The following ZWILCH variants were observed in gnomAD, a reference collection of about 807,000 sequenced individuals.
ZWILCH encodes protein zwilch homolog.
Under a neutral mutation model 79.9 loss-of-function variants are expected in ZWILCH, and 74 were observed. The observed-to-expected ratio is 0.93, with a 90% CI of 0.77 to 1.12. ZWILCH has a LOEUF of 1.12. ZWILCH is among the 50% of genes most tolerant of loss of function. The pLI is 0.00. For synonymous variants in ZWILCH, 241 were observed against 228.2 expected (o/e 1.06, Z -0.51); for missense variants, 694 against 687.5 (o/e 1.01, Z -0.11).
chr15:66,509,154 A>T (rs1461208630), intron 2 of ZWILCH, among the ~76,000 whole-genome samples: 1 of 152,078 alleles, frequency 6.6e-6, no homozygotes, highest in Non-Finnish European at 1.5e-5. Flanking sequence ...GTTAGCCAGG[A>T]TGGTCTCGAT....
At chr15:66,518,295 T>G (rs1323938353) in intron 4 of ZWILCH, among the ~76,000 whole-genome samples, 1 of 150,154 alleles carries the variant, frequency 6.7e-6, no homozygotes, top group Non-Finnish European at 1.5e-5. Context: ...TGTCTTTTTT[T>G]TTTTTTTTTT....
intron 2 of ZWILCH, 95 bp downstream of exon 2, chr15:66,508,987 T>A (rs1893928033): frequency 3.0e-6 from 4 of 1,337,918 alleles, no homozygotes; most frequent in South Asian, 1.2e-5. Context: ...TTACCCAGGC[T>A]GGAGTGCAGT....
At chr15:66,509,305 A>G (rs1355925265) in intron 2 of ZWILCH, among the ~76,000 whole-genome samples, 1 of 152,166 alleles carries the variant, frequency 6.6e-6, no homozygotes, top group African/African-American at 2.4e-5. Context: ...ATCCTCTCCA[A>G]AAATGTTCTT....
At chr15:66,509,021 G>A in intron 2 of ZWILCH, 129 bp downstream of exon 2, 2 of 929,346 alleles carry the variant, frequency 2.2e-6, no homozygotes, top group Non-Finnish European at 3.1e-6. Flanking sequence ...CTCACTGCAA[G>A]CTCCGGCTCC....
intron 17 of ZWILCH, among the ~76,000 whole-genome samples, chr15:66,544,529 C>T (rs951778547): frequency 1.3e-5 from 2 of 151,798 alleles, no homozygotes; most frequent in South Asian, 2.1e-4. Context: ...TTCATAGAGG[C>T]GAGGTCTTGT....
chr15:66,533,490 C>T (rs544715089), intron 14 of ZWILCH, among the ~76,000 whole-genome samples: 17 of 152,174 alleles, frequency 1.1e-4, no homozygotes, highest in Admixed American at 4.6e-4. Context: ...TGAATAGTGT[C>T]TGTACTGATC....
chr15:66,513,875 C>A, intron 2 of ZWILCH, 113 bp from the exon 3 acceptor site: 1 of 778,992 alleles, frequency 1.3e-6, no homozygotes, highest in Non-Finnish European at 2.0e-6. Flanking sequence ...CCGGCCGAGA[C>A]TCTGTCTCTT....
chr15:66,526,664 G>A (rs1271561493), intron 8 of ZWILCH, among the ~76,000 whole-genome samples: 2 of 151,678 alleles, frequency 1.3e-5, no homozygotes, highest in African/African-American at 2.4e-5. Context: ...GGGTTTCACC[G>A]TGTTAGCCAG....
intron 8 of ZWILCH, among the ~76,000 whole-genome samples, chr15:66,525,413 C>A (rs1373730323): frequency 6.6e-6 from 1 of 152,206 alleles, no homozygotes; most frequent in East Asian, 1.9e-4. Context: ...CTGTGTTCAA[C>A]CCCCTATATT....
chr15:66,506,662 A>G (rs1279451940), intron 1 of ZWILCH, among the ~76,000 whole-genome samples: 1 of 152,016 alleles, frequency 6.6e-6, no homozygotes, highest in Non-Finnish European at 1.5e-5. Context: ...TCTCTAAAAT[A>G]AATAAATAAA....
At chr15:66,537,996 A>G (rs76456733) in intron 16 of ZWILCH, among the ~76,000 whole-genome samples, 2,712 of 152,300 alleles carry the variant, frequency 0.018, 40 homozygotes, top group South Asian at 0.056. Flanking sequence ...AAAAATGACC[A>G]GGATAGTGAT....
chr15:66,523,919 T>TA (rs1455741384), intron 8 of ZWILCH, among the ~76,000 whole-genome samples, 171 bp downstream of exon 8: 1 of 152,246 alleles, frequency 6.6e-6, no homozygotes, highest in Non-Finnish European at 1.5e-5. Flanking sequence ...TAGTTGTCCT[T>TA]ACAATTAACG....
rs768766361 is a variant in ZWILCH at position 66,548,543 on chromosome 15, A to G, written c.*219A>G. The G allele has an allele frequency of 6.2e-7, 1 of 1,613,802 alleles. No homozygotes were observed. The highest frequency in any genetic ancestry group is 2.2e-5 in the East Asian group (1 of 44,872). ...AGTAGAACAGCAGTGATGAGGACAC[A>G]GAGGGAGCAGACAGTGGGTACCACG... On this transcript the variant is annotated 3_prime_UTR_variant, in exon 19 of 19. Transcript: ENST00000307897.
At chr15:66,520,681 C>A in intron 6 of ZWILCH, 21 bp downstream of exon 6, 1 of 1,484,442 alleles carries the variant, frequency 6.7e-7, no homozygotes, top group South Asian at 1.2e-5. Context: ...TGCTTCTACT[C>A]ATATTATTTT....
In ZWILCH at chr15:66,540,108, C is replaced by G. The variant is rs144273335; in HGVS notation, c.1585C>G (p.Gln529Glu). ...VKNLYQSEKP[Q>E]KWRVEIYSGQ... Reference sequence around the variant, plus strand: ...TTATTCTTTCCTTAGTGAGAAGCCACAGAAATGGAGAGTGGAAATATATAG... The same window carrying G: ...TTATTCTTTCCTTAGTGAGAAGCCAGAGAAATGGAGAGTGGAAATATATAG... The change falls in exon 17 of 19, where the codon CAG becomes GAG. Residue 529 changes from glutamine (Q) to glutamate (E), a missense_variant. By Grantham distance (29) the Gln-to-Glu change is conservative. Transcript: ENST00000307897. 315 of 1,598,648 alleles carry G rather than the reference C, an allele frequency of 2.0e-4. 1 individual carries two copies. Among genetic ancestry groups the G allele is most frequent in the Middle Eastern group, 6.7e-4 (4 of 6,012 alleles).
chr15:66,532,495 A>G, intron 13 of ZWILCH, 92 bp downstream of exon 13: 5 of 1,191,826 alleles, frequency 4.2e-6, no homozygotes, highest in Non-Finnish European at 5.8e-6. Flanking sequence ...CTTGTCCCTC[A>G]TCGTCTGTAG....
intron 14 of ZWILCH, among the ~76,000 whole-genome samples, chr15:66,535,044 T>G (rs571042232): frequency 1.3e-5 from 2 of 151,018 alleles, no homozygotes; most frequent in East Asian, 3.9e-4. Flanking sequence ...ATTTTTAACT[T>G]TTTTTTTTGT....
At chr15:66,538,421 T>G (rs1895081995) in intron 16 of ZWILCH, among the ~76,000 whole-genome samples, 1 of 152,054 alleles carries the variant, frequency 6.6e-6, no homozygotes, top group Non-Finnish European at 1.5e-5. Context: ...TCGCTCTTAT[T>G]TCCCAGGCTG....
chr15:66,544,900 C>T (rs189245200), intron 17 of ZWILCH, among the ~76,000 whole-genome samples: 1,952 of 151,466 alleles, frequency 0.013, 35 homozygotes, highest in African/African-American at 0.044. Context: ...CGTGCCACCA[C>T]GCCTGGCTAA....
Sources: gnomAD v4.1 joint callset for allele counts (sites outside exome capture counted in the v4.1 genomes callset) on GRCh38, gnomAD v4.1.1 for gene constraint, MANE v1.5 for transcripts, NCBI Gene and HGNC (gene_info 2026-07-23, HGNC 2026-07-21) for gene names.